TMEM132C: variants seen among roughly 807,000 people sequenced by gnomAD.
The protein encoded by TMEM132C is protein phosphatase 1, regulatory subunit 152.
In TMEM132C, 29 loss-of-function variants were observed where a neutral mutation model predicts 61.4. The ratio of observed to expected loss-of-function variants is 0.47; its 90% confidence interval spans 0.35 to 0.64. The LOEUF is 0.64. TMEM132C is among the 30% of genes least tolerant of loss of function. TMEM132C has a pLI of 0.00. For missense variants in TMEM132C, 1,408 were observed against 1,476.9 expected (o/e 0.95, Z 0.76); for synonymous variants, 656 against 633.1 (o/e 1.04, Z -0.54).
chr12:128,500,262 G>A (rs911993645), intron 2 of TMEM132C, among the ~76,000 whole-genome samples: 1 of 152,120 alleles, frequency 6.6e-6, no homozygotes, highest in Non-Finnish European at 1.5e-5. Context: ...ACAGATGGGT[G>A]TGTAAATTTT....
chr12:128,375,231 CG>C (rs1874157840), intron 1 of TMEM132C, among the ~76,000 whole-genome samples: 1 of 151,912 alleles, frequency 6.6e-6, no homozygotes, highest in Non-Finnish European at 1.5e-5. Context: ...ACAGTGTGAC[CG>C]GGGTGGGCGG....
intron 1 of TMEM132C, among the ~76,000 whole-genome samples, chr12:128,339,559 C>T (rs1020574132): frequency 2.6e-5 from 4 of 151,926 alleles, no homozygotes; most frequent in Non-Finnish European, 5.9e-5. Flanking sequence ...TTGTCTCTGG[C>T]TCTGGGGACT....
chr12:128,485,366 A>G (rs1871451835), intron 2 of TMEM132C, among the ~76,000 whole-genome samples: 1 of 152,172 alleles, frequency 6.6e-6, no homozygotes, highest in South Asian at 2.1e-4. Context: ...TATTACAGAC[A>G]GGGTTTCACC....
intron 2 of TMEM132C, among the ~76,000 whole-genome samples, chr12:128,496,506 A>G (rs1871966506): frequency 6.6e-6 from 1 of 152,100 alleles, no homozygotes; most frequent in African/African-American, 2.4e-5. Flanking sequence ...ACATAGTCCC[A>G]TATTTCTTGG....
At chr12:128,459,777 C>T (rs934122386) in intron 2 of TMEM132C, among the ~76,000 whole-genome samples, 6 of 144,834 alleles carry the variant, frequency 4.1e-5, no homozygotes, top group South Asian at 4.5e-4. Context: ...CCCAGCTATT[C>T]GGGAGGCTGA....
intron 1 of TMEM132C, among the ~76,000 whole-genome samples, chr12:128,340,176 A>G (rs1446967127): frequency 1.3e-5 from 2 of 152,212 alleles, no homozygotes; most frequent in East Asian, 1.9e-4. Flanking sequence ...AAGGCCTTCA[A>G]AGCTTGGGAA....
At chr12:128,383,729 C>T (rs909738252) in intron 1 of TMEM132C, among the ~76,000 whole-genome samples, 1 of 152,136 alleles carries the variant, frequency 6.6e-6, no homozygotes, top group African/African-American at 2.4e-5. Context: ...AGTACTTTCC[C>T]ATAAAGACAC....
At chr12:128,340,380 A>G (rs1872917808) in intron 1 of TMEM132C, among the ~76,000 whole-genome samples, 1 of 152,190 alleles carries the variant, frequency 6.6e-6, no homozygotes, top group East Asian at 1.9e-4. Context: ...CTATTGTCTT[A>G]TTACAGTAAA....
At chr12:128,549,537 T>G (rs1285861264) in intron 3 of TMEM132C, among the ~76,000 whole-genome samples, 1 of 152,194 alleles carries the variant, frequency 6.6e-6, no homozygotes, top group Non-Finnish European at 1.5e-5. Context: ...ACAAATTATG[T>G]GTCAAGTGCC....
At chr12:128,591,229 C>T (rs1166920836) in intron 3 of TMEM132C, among the ~76,000 whole-genome samples, 2 of 152,092 alleles carry the variant, frequency 1.3e-5, no homozygotes, top group African/African-American at 4.8e-5. Context: ...TCTCTTCATC[C>T]CAAAAAGAAA....
At chr12:128,364,456 C>A (rs1399349585) in intron 1 of TMEM132C, among the ~76,000 whole-genome samples, 1 of 152,152 alleles carries the variant, frequency 6.6e-6, no homozygotes, top group Admixed American at 6.5e-5. Flanking sequence ...CATGGATGGG[C>A]CCCATGCTGG....
intron 2 of TMEM132C, among the ~76,000 whole-genome samples, chr12:128,430,089 G>A (rs1423937331): frequency 2.0e-5 from 3 of 152,210 alleles, no homozygotes; most frequent in African/African-American, 7.2e-5. Context: ...GCGAGCTACA[G>A]AGTCTCCAGA....
At chr12:128,583,446 A>G (rs890692818) in intron 3 of TMEM132C, among the ~76,000 whole-genome samples, 1 of 152,146 alleles carries the variant, frequency 6.6e-6, no homozygotes, top group African/African-American at 2.4e-5. Context: ...ACTGAAGAAA[A>G]GTTGCTCTGC....
Position 128,706,800 on chromosome 12 carries a change from A to AG in TMEM132C, c.*508dup, listed in dbSNP as rs1167161167. 6.6e-6 allele frequency: 1 copy of AG among 152,646 alleles called. No homozygotes were observed. Among genetic ancestry groups the AG allele is most frequent in the Non-Finnish European group, 1.5e-5 (1 of 68,380 alleles). The allele number at this position is 152,646 out of a possible 1,614,324, so 9.5% of individuals were successfully genotyped here. A position where few individuals can be genotyped will look rare whatever the true frequency, so the allele number is the denominator to read the frequency against. On this transcript the variant is annotated 3_prime_UTR_variant, in exon 9 of 9. Transcript: ENST00000435159. ...GCTGGGGGGGAGTCATTTCTTAACA[A>AG]GGGATGCCTCTTGGGATAGAACTAG... is the stretch of plus-strand genomic sequence containing the variant.
In TMEM132C at chr12:128,536,969, A is replaced by G. The variant is rs985543909; in HGVS notation, c.975-6988A>G. On this transcript the variant is annotated intron_variant, in intron 2 of 8. Coordinates refer to ENST00000435159, the MANE Select transcript of TMEM132C (RefSeq NM_001136103.3). Reference sequence around the variant, plus strand: ...AACAAGCCATTCAGAGATGGGAAGAACAAGACAGGGATTTATGCTGAGTAA... The same window carrying G: ...AACAAGCCATTCAGAGATGGGAAGAGCAAGACAGGGATTTATGCTGAGTAA... 4.6e-5 allele frequency among the ~76,000 whole-genome samples: 7 copies of G among 152,340 alleles called. No individual in the cohort carries two copies. In the South Asian group the frequency reaches 6.2e-4, roughly 14 times the overall value.
In TMEM132C at chr12:128,705,147, A is replaced by G. The variant is rs370112030; in HGVS notation, c.2179A>G (p.Ile727Val). The change falls in exon 9 of 9, where the codon ATC (isoleucine) becomes GTC (valine). Residue 727 changes from isoleucine (I) to valine (V), a missense_variant. Ile to Val is a conservative substitution (Grantham distance 29). Coordinates refer to ENST00000435159, the MANE Select transcript of TMEM132C (RefSeq NM_001136103.3). ...TGATGGCTCTGTGACGCCCCTGGAC[A>G]TCTACGACACCAAGGACTTCTCCCT... The part of the protein sequence containing the change: ...FSDGSVTPLD[I>V]YDTKDFSLAA... 121 of 1,551,296 alleles carry G rather than the reference A, an allele frequency of 7.8e-5. No homozygotes were observed. The highest frequency in any genetic ancestry group is 9.6e-5 in the Non-Finnish European group (110 of 1,146,856).
chr12:128,677,593 G>A (rs947609757), intron 5 of TMEM132C, among the ~76,000 whole-genome samples: 1 of 152,126 alleles, frequency 6.6e-6, no homozygotes, highest in Non-Finnish European at 1.5e-5. Flanking sequence ...AGCACCCTAT[G>A]TACATCCCCT....
intron 2 of TMEM132C, among the ~76,000 whole-genome samples, chr12:128,422,361 C>A (rs575406589): frequency 6.6e-6 from 1 of 152,080 alleles, no homozygotes; most frequent in African/African-American, 2.4e-5. Flanking sequence ...GAAGAACTTG[C>A]GGGTAGGGGG....
chr12:128,365,174 C>A (rs1873824845), intron 1 of TMEM132C, among the ~76,000 whole-genome samples: 1 of 152,164 alleles, frequency 6.6e-6, no homozygotes, highest in Non-Finnish European at 1.5e-5. Flanking sequence ...TGTCGTAATC[C>A]TCTCTTGACT....
Sources: gnomAD v4.1 joint callset for allele counts (sites outside exome capture counted in the v4.1 genomes callset) on GRCh38, gnomAD v4.1.1 for gene constraint, MANE v1.5 for transcripts, NCBI Gene and HGNC (gene_info 2026-07-23, HGNC 2026-07-21) for gene names.